The following CLCN5 variants were observed in gnomAD, a reference collection of about 807,000 sequenced individuals.
The protein encoded by CLCN5 is Cl-/H+ antiporter 5.
In CLCN5, 17 loss-of-function variants were observed where a neutral mutation model predicts 54.0. The observed-to-expected ratio is 0.31, with a 90% CI of 0.22 to 0.47. The LOEUF (loss-of-function observed/expected upper bound fraction) is 0.47. CLCN5 is among the 20% of genes least tolerant of loss of function. The pLI, the probability that CLCN5 is intolerant of heterozygous loss-of-function variation, is 1.00. For missense variants in CLCN5, 448 were observed against 646.7 expected (o/e 0.69, Z 3.33); for synonymous variants, 222 against 233.0 (o/e 0.95, Z 0.43).
chrX:49,946,741 T>C (rs903522810), intron 3 of CLCN5, among the ~76,000 whole-genome samples: 18 of 111,725 alleles, frequency 1.6e-4, no homozygotes, highest in African/African-American at 5.5e-4. Context: ...GTGGGCGTCA[T>C]TGGGGGTCAC....
intron 8 of CLCN5, 107 bp from the exon 9 acceptor site, chrX:50,081,534 G>C (rs1342646579): frequency 1.7e-6 from 1 of 600,153 alleles, no homozygotes; most frequent in Non-Finnish European, 2.8e-6. Context: ...GCATTTATAT[G>C]TCACTTATTC....
At chrX:50,074,575 G>A (rs1679040562) in intron 6 of CLCN5, among the ~76,000 whole-genome samples, 1 of 112,289 alleles carries the variant, frequency 8.9e-6, no homozygotes, top group Admixed American at 9.4e-5. Context: ...GTCAAACAAT[G>A]TGTTAGATTT....
At chrX:50,076,817 A>AGATTACAG (rs1557192201) in intron 7 of CLCN5, among the ~76,000 whole-genome samples, 1 of 112,402 alleles carries the variant, frequency 8.9e-6, no homozygotes, top group African/African-American at 3.2e-5. Context: ...TACAGGCATG[A>AGATTACAG]GCCACTGTGC....
intron 3 of CLCN5, among the ~76,000 whole-genome samples, chrX:49,940,827 G>T (rs1463082525): frequency 1.8e-5 from 2 of 110,913 alleles, no homozygotes; most frequent in Non-Finnish European, 3.8e-5. Context: ...TTGATTGGGG[G>T]TGGCAGTGAA....
At chrX:50,046,762 C>T (rs985124164) in intron 4 of CLCN5, among the ~76,000 whole-genome samples, 1 of 110,990 alleles carries the variant, frequency 9.0e-6, no homozygotes, top group Non-Finnish European at 1.9e-5. Flanking sequence ...AGGTTGGAGA[C>T]GAGAAGACCA....
At chrX:50,057,661 C>G (rs1932782425) in intron 4 of CLCN5, among the ~76,000 whole-genome samples, 1 of 89,589 alleles carries the variant, frequency 1.1e-5, no homozygotes, top group Non-Finnish European at 2.2e-5. Flanking sequence ...ATCCAGGACT[C>G]TCCTGGATAG....
intron 3 of CLCN5, among the ~76,000 whole-genome samples, chrX:49,976,636 G>T (rs1928497771): frequency 8.9e-6 from 1 of 112,234 alleles, no homozygotes; most frequent in African/African-American, 3.2e-5. Context: ...AGGCATGTGG[G>T]AATAGCATGC....
rs1251419111 is a variant in CLCN5, at chrX:50,097,477, A to G, written c.*5258A>G. On this transcript the variant is annotated 3_prime_UTR_variant, in exon 15 of 15. Transcript: ENST00000376091. ...AAGGGCCTTCAGCCTCTGTGTGCAC[A>G]CTTATTGAATGAATGCTTTGCCTAA... The G allele has an allele frequency of 1.8e-5, 2 of 111,224 alleles. No individual in the cohort carries two copies. The highest frequency in any genetic ancestry group is 9.6e-5 in the Admixed American group (1 of 10,420). The allele number at this position is 111,224 out of a possible 1,213,427, so 9.2% of individuals were successfully genotyped here. A position where few individuals can be genotyped will look rare whatever the true frequency, so the allele number is the denominator to read the frequency against.
intron 3 of CLCN5, among the ~76,000 whole-genome samples, chrX:49,994,657 AT>A (rs1929423677): frequency 8.9e-6 from 1 of 111,935 alleles, no homozygotes; most frequent in Admixed American, 9.5e-5. Context: ...ATACACTCCT[AT>A]TCAGTTTTGT....
chrX:49,937,772 G>C (rs1488435338), intron 3 of CLCN5, among the ~76,000 whole-genome samples: 2 of 111,542 alleles, frequency 1.8e-5, no homozygotes, highest in Non-Finnish European at 3.8e-5. Context: ...TGTTTTTCTT[G>C]TTTGATTTGT....
chrX:49,972,823 C>T (rs1201645003), intron 3 of CLCN5, among the ~76,000 whole-genome samples: 1 of 111,601 alleles, frequency 9.0e-6, no homozygotes, highest in African/African-American at 3.3e-5. Context: ...TTGAAGACAT[C>T]GTGGTTCAGT....
intron 3 of CLCN5, among the ~76,000 whole-genome samples, chrX:49,973,827 A>G (rs1241582415): frequency 1.8e-5 from 2 of 111,145 alleles, no homozygotes; most frequent in African/African-American, 6.6e-5. Flanking sequence ...ATGTAACCCC[A>G]TCATAAGTTG....
At chrX:50,011,986 C>T (rs1431816746) in intron 3 of CLCN5, among the ~76,000 whole-genome samples, 1 of 111,129 alleles carries the variant, frequency 9.0e-6, no homozygotes, top group African/African-American at 3.3e-5. Context: ...TAATCCCCAT[C>T]CTTCATTCAT....
intron 3 of CLCN5, among the ~76,000 whole-genome samples, chrX:50,040,215 A>G (rs981994264): frequency 4.5e-5 from 5 of 112,078 alleles, no homozygotes; most frequent in African/African-American, 1.6e-4. Context: ...AAAGCAGGAT[A>G]ATGAATGGCA....
chrX:50,050,096 A>T (rs1322791403), intron 4 of CLCN5, among the ~76,000 whole-genome samples: 1 of 112,008 alleles, frequency 8.9e-6, no homozygotes, highest in Non-Finnish European at 1.9e-5. Context: ...TTATCCATTC[A>T]TCTACTGAAG....
At position 49,998,976 on chromosome X, in the gene CLCN5, A is replaced by C. The variant is rs1336336780; in HGVS notation, c.17-43340A>C. Among the ~76,000 whole-genome samples the C allele has an allele frequency of 2.7e-5, 3 of 110,203 alleles. No homozygotes were observed. In the East Asian group the frequency reaches 8.6e-4, roughly 32 times the overall value. On this transcript the variant is annotated intron_variant, in intron 3 of 14. Transcript: ENST00000376091. ...TATATACACAACTTACAGGAGAGTGAATTTTCTAGTGCCACCCCCCCGCCA... is the reference window on the plus strand; with the variant it reads ...TATATACACAACTTACAGGAGAGTGCATTTTCTAGTGCCACCCCCCCGCCA...
intron 3 of CLCN5, among the ~76,000 whole-genome samples, chrX:49,966,679 A>G (rs1326791298): frequency 3.4e-5 from 1 of 29,121 alleles, no homozygotes; most frequent in Non-Finnish European, 5.0e-5. Context: ...GGTTAGTTAC[A>G]TATGTATACA....
At chrX:50,076,627 G>A (rs1441632447) in intron 7 of CLCN5, among the ~76,000 whole-genome samples, 2 of 111,201 alleles carry the variant, frequency 1.8e-5, no homozygotes, top group East Asian at 5.6e-4. Flanking sequence ...CTAGCCTCAA[G>A]CAGTCCTCCC....
At chrX:50,018,563 T>G (rs1930903674) in intron 3 of CLCN5, among the ~76,000 whole-genome samples, 1 of 112,128 alleles carries the variant, frequency 8.9e-6, no homozygotes, top group Non-Finnish European at 1.9e-5. Flanking sequence ...GTCTTGAGTC[T>G]TGTACAATTA....
Sources: gnomAD v4.1 joint callset for allele counts (sites outside exome capture counted in the v4.1 genomes callset) on GRCh38, gnomAD v4.1.1 for gene constraint, MANE v1.5 for transcripts, NCBI Gene and HGNC (gene_info 2026-07-23, HGNC 2026-07-21) for gene names.